MGST2: variants seen among roughly 807,000 people sequenced by gnomAD.
MGST2 encodes the protein glutathione peroxidase MGST2.
In MGST2, 9 loss-of-function variants were observed where a neutral mutation model predicts 16.6. That is an observed-to-expected ratio of 0.54 (90% CI 0.33 to 0.95). The LOEUF is 0.95. MGST2 is among the 40% of genes least tolerant of loss of function. The pLI is 0.03. For synonymous variants in MGST2, 79 were observed against 68.0 expected (o/e 1.16, Z -0.79); for missense variants, 159 against 175.1 (o/e 0.91, Z 0.52).
intron 2 of MGST2, among the ~76,000 whole-genome samples, chr4:139,693,109 A>G (rs1488958225): frequency 6.6e-6 from 1 of 152,220 alleles, no homozygotes; most frequent in Non-Finnish European, 1.5e-5. Context: ...TGTTTCCAAA[A>G]AAGTTCATAT....
chr4:139,688,515 A>ATT (rs147142819), intron 2 of MGST2, among the ~76,000 whole-genome samples: 6 of 145,654 alleles, frequency 4.1e-5, no homozygotes, highest in South Asian at 4.3e-4. Flanking sequence ...GTGATTCTGT[A>ATT]TTTTTTTTTT....
chr4:139,746,589 C>A, the MGST2 span, among the ~76,000 whole-genome samples: 1 of 152,138 alleles, frequency 6.6e-6, no homozygotes, highest in Non-Finnish European at 1.5e-5. Context: ...GCAAATCTCC[C>A]CATCTGTCTC....
At chr4:139,719,951 G>A in intron 5 of MGST2, 1 of 1,614,094 alleles carries the variant, frequency 6.2e-7, no homozygotes, top group Non-Finnish European at 8.5e-7. Context: ...TTTCATCTGT[G>A]GATGTTGCTG....
At chr4:139,692,198 G>T (rs540720747) in intron 2 of MGST2, among the ~76,000 whole-genome samples, 1 of 152,296 alleles carries the variant, frequency 6.6e-6, no homozygotes, top group Admixed American at 6.5e-5. Flanking sequence ...AGAAAGAAAG[G>T]TACAGAGATA....
intron 2 of MGST2, 111 bp from the exon 3 acceptor site, chr4:139,695,086 A>C (rs1726839391): frequency 2.7e-6 from 2 of 750,038 alleles, no homozygotes; most frequent in African/African-American, 3.5e-5. Context: ...CTCTTTTGTA[A>C]GTTCTTATAT....
intron 1 of MGST2, among the ~76,000 whole-genome samples, chr4:139,673,231 A>G (rs890828355): frequency 1.3e-5 from 2 of 152,188 alleles, no homozygotes; most frequent in Non-Finnish European, 2.9e-5. Flanking sequence ...AATAATAGTT[A>G]CTGTAACCCA....
intron 3 of MGST2, among the ~76,000 whole-genome samples, chr4:139,702,919 G>GT (rs1215989172): frequency 1.7e-5 from 2 of 121,172 alleles, no homozygotes; most frequent in East Asian, 2.4e-4. Flanking sequence ...TCTCATTATA[G>GT]TTTTTTATTT....
intron 2 of MGST2, chr4:139,679,084 A>AT: frequency 1.1e-5 from 2 of 184,546 alleles, no homozygotes; most frequent in Admixed American, 5.5e-5. Flanking sequence ...TTAAAATCAG[A>AT]AACCTGTAAG....
chr4:139,684,811 A>G lies in MGST2; in HGVS notation c.158+6169A>G, dbSNP rs181046360. On this transcript the variant is annotated intron_variant, in intron 2 of 4. Transcript: ENST00000265498. Reference sequence around the variant, plus strand: ...TGCAGATTCTGACTGTTTTCAGGACAGAATTTTACCCCCACCCTCTATTAT... The same window carrying G: ...TGCAGATTCTGACTGTTTTCAGGACGGAATTTTACCCCCACCCTCTATTAT... 2.0e-4 allele frequency among the ~76,000 whole-genome samples: 31 copies of G among 152,318 alleles called. No homozygotes were observed. The East Asian group carries it at 5.4e-3, about 27-fold the overall frequency.
the MGST2 span, among the ~76,000 whole-genome samples, chr4:139,747,617 C>G: frequency 6.6e-6 from 1 of 151,418 alleles, no homozygotes; most frequent in African/African-American, 2.4e-5. Context: ...CTGCCTGAAC[C>G]GGGAGGGTGG....
intron 5 of MGST2, among the ~76,000 whole-genome samples, chr4:139,728,932 C>G (rs548122456): frequency 1.3e-5 from 2 of 152,162 alleles, no homozygotes; most frequent in East Asian, 3.9e-4. Context: ...CTCAAAACAT[C>G]AGGCACACCT....
chr4:139,676,019 G>A lies in MGST2; in HGVS notation c.59-2524G>A, dbSNP rs1016308366. Reference sequence around the variant, plus strand: ...AGATAAGGAGTTCTGCCTCTGGATGGTCGGCTTCATGGCCACCAGGTGGTC... The same window carrying A: ...AGATAAGGAGTTCTGCCTCTGGATGATCGGCTTCATGGCCACCAGGTGGTC... On this transcript the variant is annotated intron_variant, in intron 1 of 4. Coordinates refer to ENST00000265498, the MANE Select transcript of MGST2 (RefSeq NM_002413.5). Among the ~76,000 whole-genome samples the A allele has an allele frequency of 2.6e-5, 4 of 152,098 alleles. No individual in the cohort carries two copies. In the South Asian group the frequency reaches 8.3e-4, roughly 32 times the overall value.
At chr4:139,747,866 C>T in the MGST2 span, among the ~76,000 whole-genome samples, 9 of 151,768 alleles carry the variant, frequency 5.9e-5, no homozygotes, top group Admixed American at 5.3e-4. Context: ...CAAGCCTGAT[C>T]GATACAGTGA....
At chr4:139,741,992 G>C (rs979296860), downstream of MGST2, among the ~76,000 whole-genome samples, 5 of 151,986 alleles carry the variant, frequency 3.3e-5, no homozygotes, top group Non-Finnish European at 1.5e-5. Context: ...GGAGACACAC[G>C]GGCATAAAAA....
At chr4:139,741,895 C>A (rs4561878), downstream of MGST2, among the ~76,000 whole-genome samples, 26 of 151,890 alleles carry the variant, frequency 1.7e-4, 1 homozygote, top group Admixed American at 1.6e-3. Context: ...TTAAAACGCC[C>A]TATTGTCATT....
the MGST2 span, among the ~76,000 whole-genome samples, chr4:139,750,550 C>G: frequency 6.6e-6 from 1 of 152,166 alleles, no homozygotes; most frequent in Non-Finnish European, 1.5e-5. Context: ...TGAGCTGTAT[C>G]TGAACCATAT....
At chr4:139,679,085 A>ACGGCGACC in intron 2 of MGST2, 2 of 182,016 alleles carry the variant, frequency 1.1e-5, no homozygotes, top group Admixed American at 5.5e-5. Context: ...TAAAATCAGA[A>ACGGCGACC]ACCTGTAAGA....
intron 5 of MGST2, among the ~76,000 whole-genome samples, chr4:139,722,394 C>T (rs1188602306): frequency 1.3e-5 from 2 of 152,108 alleles, no homozygotes; most frequent in African/African-American, 2.4e-5. Flanking sequence ...GAAAAAAATT[C>T]AGATGTGTCC....
chr4:139,739,229 T>C (rs1156967294), intron 5 of MGST2, among the ~76,000 whole-genome samples: 1 of 152,170 alleles, frequency 6.6e-6, no homozygotes, highest in Non-Finnish European at 1.5e-5. Context: ...GAGCTGACCC[T>C]CTGCTGAATG....
Sources: gnomAD v4.1 joint callset for allele counts (sites outside exome capture counted in the v4.1 genomes callset) on GRCh38, gnomAD v4.1.1 for gene constraint, MANE v1.5 for transcripts, NCBI Gene and HGNC (gene_info 2026-07-23, HGNC 2026-07-21) for gene names.